The following MRPL13 variants were observed in gnomAD, a reference collection of about 807,000 sequenced individuals.
The protein encoded by MRPL13 is large ribosomal subunit protein uL13m.
Under a neutral mutation model 29.0 loss-of-function variants are expected in MRPL13, and 33 were observed. That is an observed-to-expected ratio of 1.14 (90% CI 0.86 to 1.52). MRPL13 has a LOEUF of 1.52. Among genes scored for constraint, MRPL13 ranks in the 40% most tolerant of loss-of-function variants. MRPL13 has a pLI of 0.00. For synonymous variants in MRPL13, 77 were observed against 68.4 expected, an observed-to-expected ratio of 1.13 and a Z score of -0.62; for missense variants, 227 against 216.7, an observed-to-expected ratio of 1.05 and a Z score of -0.30.
intron 3 of MRPL13, among the ~76,000 whole-genome samples, chr8:120,428,869 T>G (rs757120738): frequency 6.6e-6 from 1 of 150,944 alleles, no homozygotes; most frequent in Non-Finnish European, 1.5e-5. Flanking sequence ...AAAGGAATGC[T>G]TTTACACTGT....
intron 6 of MRPL13, among the ~76,000 whole-genome samples, chr8:120,408,551 C>T (rs1345939043): frequency 6.6e-6 from 1 of 152,112 alleles, no homozygotes; most frequent in African/African-American, 2.4e-5. Context: ...TAACCTTAGT[C>T]CACAAGTCCA....
intron 3 of MRPL13, 25 bp downstream of exon 3, chr8:120,432,005 T>C: frequency 6.7e-7 from 1 of 1,481,704 alleles, no homozygotes; most frequent in Non-Finnish European, 9.2e-7. Context: ...ACTACCTAAT[T>C]TCCCTGACAA....
chr8:120,419,993 A>T, intron 4 of MRPL13, 55 bp from the exon 5 acceptor site: 1 of 1,174,276 alleles, frequency 8.5e-7, no homozygotes, highest in South Asian at 1.7e-5. Context: ...ATAGTAAGAA[A>T]GCAAACATAA....
At chr8:120,419,715 C>A (rs992639001) in intron 5 of MRPL13, 137 bp downstream of exon 5, 15 of 546,986 alleles carry the variant, frequency 2.7e-5, no homozygotes, top group Non-Finnish European at 4.6e-5. Flanking sequence ...CATACATATT[C>A]ATTTAAAAAT....
At chr8:120,442,263 A>G (rs1228273151) in intron 2 of MRPL13, among the ~76,000 whole-genome samples, 2 of 152,244 alleles carry the variant, frequency 1.3e-5, no homozygotes, top group Non-Finnish European at 2.9e-5. Flanking sequence ...TACTGGCATG[A>G]TAAAGACTCA....
intron 5 of MRPL13, among the ~76,000 whole-genome samples, chr8:120,418,478 C>T (rs1812831171): frequency 6.6e-6 from 1 of 151,962 alleles, no homozygotes; most frequent in Non-Finnish European, 1.5e-5. Flanking sequence ...GTTGTGCTAC[C>T]ACCAACAATG....
chr8:120,415,637 C>T (rs1462627091), intron 5 of MRPL13: 1 of 151,998 alleles, frequency 6.6e-6, no homozygotes, highest in Non-Finnish European at 1.5e-5. Flanking sequence ...ATACAGAAAA[C>T]ACAATAGATA....
chr8:120,444,740 A>T (rs1813180986), intron 1 of MRPL13, among the ~76,000 whole-genome samples: 1 of 151,948 alleles, frequency 6.6e-6, no homozygotes, highest in Admixed American at 6.5e-5. Flanking sequence ...TCCCCATTTT[A>T]CTCAGTCAAA....
At chr8:120,439,362 A>G (rs1353042659) in intron 2 of MRPL13, among the ~76,000 whole-genome samples, 1 of 152,212 alleles carries the variant, frequency 6.6e-6, no homozygotes, top group African/African-American at 2.4e-5. Context: ...CCTTATAGAG[A>G]TAATATGTGT....
At chr8:120,417,438 G>A (rs1812817337) in intron 5 of MRPL13, among the ~76,000 whole-genome samples, 1 of 152,108 alleles carries the variant, frequency 6.6e-6, no homozygotes, top group South Asian at 2.1e-4. Context: ...TGGTAATGAT[G>A]GCTTTTCTAG....
chr8:120,445,130 A>G lies in MRPL13; in HGVS notation c.-36T>C, dbSNP rs1163827471. ...TAGCAGGACCGTACGTCCTTCTCCTAGTAGCCACGCCGGGTCACTCAGCCT... is the reference window on the plus strand; with the variant it reads ...TAGCAGGACCGTACGTCCTTCTCCTGGTAGCCACGCCGGGTCACTCAGCCT... On this transcript the variant is annotated 5_prime_UTR_variant, in exon 1 of 7. Coordinates refer to ENST00000306185, the MANE Select transcript of MRPL13 (RefSeq NM_014078.6). 6.2e-7 allele frequency: 1 copy of G among 1,613,860 alleles called. No individual in the cohort carries two copies. Among genetic ancestry groups the G allele is most frequent in the Non-Finnish European group, 8.5e-7 (1 of 1,179,874 alleles).
At chr8:120,435,542 T>C (rs761421216) in intron 2 of MRPL13, among the ~76,000 whole-genome samples, 2 of 152,178 alleles carry the variant, frequency 1.3e-5, no homozygotes, top group Non-Finnish European at 2.9e-5. Flanking sequence ...CATGATCTCA[T>C]TTTTTAATGG....
chr8:120,438,446 G>A (rs1309685835), intron 2 of MRPL13, among the ~76,000 whole-genome samples: 3 of 152,190 alleles, frequency 2.0e-5, no homozygotes, highest in Non-Finnish European at 4.4e-5. Flanking sequence ...TATCCTAGCC[G>A]AATGCCTATT....
At chr8:120,420,086 A>C in intron 4 of MRPL13, 148 bp from the exon 5 acceptor site, 1 of 428,020 alleles carries the variant, frequency 2.3e-6, no homozygotes, top group Non-Finnish European at 4.0e-6. Context: ...TGTGGAAGCA[A>C]CAGAAAAGAA....
chr8:120,439,266 A>G (rs1334476623), intron 2 of MRPL13, among the ~76,000 whole-genome samples: 2 of 152,142 alleles, frequency 1.3e-5, no homozygotes, highest in Non-Finnish European at 2.9e-5. Context: ...ACTTTTTCTT[A>G]GTGACTTCAC....
intron 6 of MRPL13, among the ~76,000 whole-genome samples, chr8:120,398,801 G>A (rs928724195): frequency 1.3e-5 from 2 of 152,148 alleles, no homozygotes; most frequent in Non-Finnish European, 2.9e-5. Context: ...AGTTTAGAGA[G>A]GAGCATTACT....
In MRPL13 at chr8:120,443,247, T is replaced by G; in HGVS notation, c.89A>C (p.Lys30Thr). ...TCTTATAGATGCCATAGCAGCAAGT[T>G]TGCCAGGTGGCTGCATTTTCCCATC... ...LLDGKMQPPG[K>T]LAAMASIRLQ... The change falls in exon 2 of 7, where the codon AAA becomes ACA. Residue 30 changes from lysine to threonine, a missense_variant. By Grantham distance (78) the Lys-to-Thr change is moderately conservative. Transcript: ENST00000306185. 8 of 1,610,498 alleles carry G rather than the reference T, an allele frequency of 5.0e-6. No homozygotes were observed. Among genetic ancestry groups the G allele is most frequent in the Non-Finnish European group, 6.8e-6 (8 of 1,178,102 alleles).
At chr8:120,406,255 G>C (rs553812740) in intron 6 of MRPL13, among the ~76,000 whole-genome samples, 1 of 152,200 alleles carries the variant, frequency 6.6e-6, no homozygotes, top group Non-Finnish European at 1.5e-5. Flanking sequence ...GTAATACAAA[G>C]TATCCAAAAT....
rs556353018 is a variant in MRPL13 at position 120,444,994 on chromosome 8, T to G, written c.27+74A>C. On this transcript the variant is annotated intron_variant, in intron 1 of 6. Coordinates refer to ENST00000306185, the MANE Select transcript of MRPL13 (RefSeq NM_014078.6). ...TTCCCTGCCGCCCCAGCTTCACTAC[T>G]TAATCTGCCGGAACCAACGCTCTCC... The G allele has an allele frequency of 8.1e-6, 13 of 1,604,730 alleles. No individual in the cohort carries two copies. The Admixed American group carries it at 1.3e-4, about 16-fold the overall frequency.
Sources: gnomAD v4.1 joint callset for allele counts (sites outside exome capture counted in the v4.1 genomes callset) on GRCh38, gnomAD v4.1.1 for gene constraint, MANE v1.5 for transcripts, NCBI Gene and HGNC (gene_info 2026-07-23, HGNC 2026-07-21) for gene names.